Variants in RBMS3 observed in about 807,000 individuals in gnomAD.
RBMS3 encodes the protein RNA binding motif single stranded interacting protein 3.
A neutral mutation model predicts 66.8 loss-of-function variants in RBMS3; 27 were observed. That is an observed-to-expected ratio of 0.40 (90% CI 0.30 to 0.56). The LOEUF (loss-of-function observed/expected upper bound fraction) is 0.56, where lower values mean the gene tolerates loss of function less well. Among genes scored for constraint, RBMS3 ranks in the 20% least tolerant of loss-of-function variants. The pLI is 0.40. For synonymous variants in RBMS3, 188 were observed against 183.0 expected (o/e 1.03, Z -0.22); for missense variants, 513 against 549.5 (o/e 0.93, Z 0.66).
chr3:29,683,738 T>C (rs1308266976), intron 4 of RBMS3, among the ~76,000 whole-genome samples: 1 of 152,242 alleles, frequency 6.6e-6, no homozygotes, highest in Non-Finnish European at 1.5e-5. Context: ...ACAGTCTGTC[T>C]GAACCCAGCT....
At chr3:29,829,689 A>T (rs994965001) in intron 6 of RBMS3, among the ~76,000 whole-genome samples, 9 of 152,212 alleles carry the variant, frequency 5.9e-5, no homozygotes, top group African/African-American at 2.2e-4. Flanking sequence ...GATGCTGATG[A>T]AACCTTGAGT....
chr3:29,820,934 C>A (rs774869725), intron 6 of RBMS3, among the ~76,000 whole-genome samples: 2 of 152,152 alleles, frequency 1.3e-5, no homozygotes, highest in Non-Finnish European at 2.9e-5. Context: ...AACAAACCAA[C>A]CTTGCTCCAG....
intron 4 of RBMS3, among the ~76,000 whole-genome samples, chr3:29,672,714 T>A (rs1253256686): frequency 6.6e-6 from 1 of 152,106 alleles, no homozygotes; most frequent in East Asian, 1.9e-4. Context: ...TGTAAAGGGA[T>A]CAATTCAACA....
intron 7 of RBMS3, among the ~76,000 whole-genome samples, chr3:29,872,261 G>A (rs2059509113): frequency 6.6e-6 from 1 of 151,968 alleles, no homozygotes; most frequent in Non-Finnish European, 1.5e-5. Context: ...AATAAAAACA[G>A]TATATTTTAT....
intron 3 of RBMS3, among the ~76,000 whole-genome samples, chr3:29,498,099 A>T (rs575418854): frequency 7.1e-6 from 1 of 141,702 alleles, no homozygotes; most frequent in South Asian, 2.2e-4. Flanking sequence ...GGTTCAAACG[A>T]TTCTCCTGCC....
chr3:29,408,789 T>G (rs1382231852), intron 1 of RBMS3, among the ~76,000 whole-genome samples: 13 of 152,226 alleles, frequency 8.5e-5, no homozygotes, highest in Admixed American at 8.5e-4. Flanking sequence ...TTGAAGAATC[T>G]GTATCAAAAT....
chr3:29,695,002 G>T (rs527396091), intron 4 of RBMS3, among the ~76,000 whole-genome samples: 23 of 152,234 alleles, frequency 1.5e-4, no homozygotes, highest in Admixed American at 8.5e-4. Context: ...TTATAGGCTG[G>T]TGAGAGTCTC....
intron 11 of RBMS3, among the ~76,000 whole-genome samples, chr3:29,938,515 T>C (rs2061320330): frequency 6.6e-6 from 1 of 151,972 alleles, no homozygotes; most frequent in African/African-American, 2.4e-5. Context: ...ACAGAATTAC[T>C]TTGTTGATTC....
At chr3:29,986,907 C>A (rs1316388691) in intron 12 of RBMS3, among the ~76,000 whole-genome samples, 2 of 152,134 alleles carry the variant, frequency 1.3e-5, no homozygotes, top group African/African-American at 2.4e-5. Context: ...CACGCCCCTG[C>A]ACTCCATTCT....
chr3:29,538,119 T>A (rs1320818928), intron 3 of RBMS3, among the ~76,000 whole-genome samples: 2 of 152,160 alleles, frequency 1.3e-5, no homozygotes, highest in East Asian at 3.8e-4. Context: ...GCTTGTCACA[T>A]GTCACAGAAA....
At chr3:29,991,871 G>T (rs960401006) in intron 14 of RBMS3, among the ~76,000 whole-genome samples, 2 of 152,158 alleles carry the variant, frequency 1.3e-5, no homozygotes, top group Non-Finnish European at 1.5e-5. Context: ...GGTATTGTAA[G>T]ATATGAAGCA....
chr3:29,667,995 A>G (rs928697570), intron 4 of RBMS3, among the ~76,000 whole-genome samples: 2 of 152,184 alleles, frequency 1.3e-5, no homozygotes, highest in East Asian at 3.9e-4. Context: ...TTCCTTTACT[A>G]TCTTTGAACG....
chr3:29,725,664 A>G (rs1163313214), intron 4 of RBMS3, among the ~76,000 whole-genome samples: 1 of 152,242 alleles, frequency 6.6e-6, no homozygotes, highest in Non-Finnish European at 1.5e-5. Flanking sequence ...ACCAGGAAGA[A>G]GTCAAATACC....
chr3:29,417,868 C>T (rs1003419868), intron 1 of RBMS3, among the ~76,000 whole-genome samples: 3 of 152,026 alleles, frequency 2.0e-5, no homozygotes, highest in South Asian at 2.1e-4. Context: ...AATTGTCTAT[C>T]GTTTATCAAT....
intron 4 of RBMS3, among the ~76,000 whole-genome samples, chr3:29,606,674 G>GAA (rs199537056): frequency 6.6e-6 from 1 of 151,216 alleles, no homozygotes; most frequent in Non-Finnish European, 1.5e-5. Context: ...GTGGACATGG[G>GAA]AAAAAAAACA....
rs775548425 is a variant in RBMS3 at position 29,930,109 on chromosome 3, C to CTTTTTTTTTTTTTTTTTT, written c.940-5974_940-5957dup. 7.3e-4 allele frequency among the ~76,000 whole-genome samples: 32 copies of CTTTTTTTTTTTTTTTTTT among 43,572 alleles called. 4 individuals carry two copies. The highest frequency in any genetic ancestry group is 1.8e-3 in the African/African-American group (29 of 15,852). 28.6% of individuals were successfully genotyped at this position (43,572 alleles called of 152,430 possible). ...TACTTTGTGTCACTTTTCTTTCTTTCTTTTTTTTTTTTTTTTTTTTGAGAT... is the reference window on the plus strand; with the variant it reads ...TACTTTGTGTCACTTTTCTTTCTTTCTTTTTTTTTTTTTTTTTTTTTTTTTTTTTTTTTTTTTTGAGAT... On this transcript the variant is annotated intron_variant, in intron 10 of 14. Transcript: ENST00000383767.
intron 1 of RBMS3, among the ~76,000 whole-genome samples, chr3:29,307,688 A>G (rs2217937): frequency 0.14 from 21,415 of 151,860 alleles, 1,672 homozygotes; most frequent in East Asian, 0.24. Flanking sequence ...TCAAGAAAAA[A>G]TAAAAGAAAA....
intron 1 of RBMS3, among the ~76,000 whole-genome samples, chr3:29,289,288 T>C (rs1167828300): frequency 6.6e-6 from 1 of 151,926 alleles, no homozygotes; most frequent in South Asian, 2.1e-4. Context: ...AATGTTATCA[T>C]TTCTGAAGCC....
chr3:29,812,845 T>C (rs1024095578), intron 6 of RBMS3, among the ~76,000 whole-genome samples: 1 of 152,144 alleles, frequency 6.6e-6, no homozygotes, highest in Non-Finnish European at 1.5e-5. Flanking sequence ...TGGTAGAACA[T>C]ATAAATAAAT....
Sources: allele counts gnomAD v4.1 joint callset (sites outside exome capture counted in the v4.1 genomes callset), GRCh38; gene constraint gnomAD v4.1.1; transcripts MANE v1.5; gene names NCBI Gene and HGNC (gene_info 2026-07-23, HGNC 2026-07-21).